The following STK3 variants were observed in gnomAD, a reference collection of about 807,000 sequenced individuals.
STK3 encodes serine/threonine-protein kinase 3.
In STK3, 41 loss-of-function variants were observed where a neutral mutation model predicts 58.0. The observed-to-expected ratio is 0.71, with a 90% CI of 0.55 to 0.92. The LOEUF is 0.92. STK3 is among the 40% of genes least tolerant of loss of function. The probability of loss-of-function intolerance (pLI) is 0.00; values close to 1 mark genes in which losing one functional copy is unlikely to be tolerated. For synonymous variants in STK3, 170 were observed against 191.0 expected (o/e 0.89, Z 0.91); for missense variants, 479 against 602.7 (o/e 0.79, Z 2.15).
intron 6 of STK3, among the ~76,000 whole-genome samples, chr8:98,681,099 A>G (rs550726915): frequency 1.3e-5 from 2 of 151,844 alleles, no homozygotes; most frequent in Non-Finnish European, 2.9e-5. Flanking sequence ...TCTGGGTTCA[A>G]GCAACTCTCC....
intron 3 of STK3, among the ~76,000 whole-genome samples, chr8:98,405,706 A>G (rs1323456778): frequency 6.6e-6 from 1 of 152,208 alleles, no homozygotes; most frequent in Non-Finnish European, 1.5e-5. Context: ...AAGAAAGAGG[A>G]TTAATGGACT....
At chr8:98,384,226 T>A (rs1765075505) in intron 1 of STK3, among the ~76,000 whole-genome samples, 1 of 152,174 alleles carries the variant, frequency 6.6e-6, no homozygotes, top group South Asian at 2.1e-4. Flanking sequence ...CAATCCTTCA[T>A]AAGGTGTAAC....
chr8:98,450,403 C>T (rs1004608205), downstream of STK3, among the ~76,000 whole-genome samples: 1 of 152,186 alleles, frequency 6.6e-6, no homozygotes, highest in Non-Finnish European at 1.5e-5. Context: ...TGTCCTAGAA[C>T]ATTTGATCTT....
At chr8:98,655,715 G>C (rs1232806095) in intron 6 of STK3, among the ~76,000 whole-genome samples, 1 of 151,932 alleles carries the variant, frequency 6.6e-6, no homozygotes, top group East Asian at 1.9e-4. Flanking sequence ...CATTTATGCA[G>C]CCAAAAAACA....
At chr8:98,726,173 G>A (rs1827780140) in intron 4 of STK3, among the ~76,000 whole-genome samples, 3 of 152,184 alleles carry the variant, frequency 2.0e-5, no homozygotes, top group Admixed American at 1.3e-4. Context: ...CCTGACTGAC[G>A]AAAGGGAAGT....
intron 1 of STK3, among the ~76,000 whole-genome samples, chr8:98,931,086 G>A (rs1245279137): frequency 2.0e-5 from 3 of 152,164 alleles, no homozygotes; most frequent in Non-Finnish European, 2.9e-5. Flanking sequence ...CTGCCACAGA[G>A]AGATGAGGTA....
chr8:98,461,545 CT>C (rs1819978951), intron 10 of STK3, among the ~76,000 whole-genome samples: 1 of 152,140 alleles, frequency 6.6e-6, no homozygotes, highest in South Asian at 2.1e-4. Flanking sequence ...TCTAGATACT[CT>C]GTTTTCTTCA....
intron 7 of STK3, among the ~76,000 whole-genome samples, chr8:98,587,244 A>C (rs2131786458): frequency 6.6e-6 from 1 of 152,096 alleles, no homozygotes; most frequent in Admixed American, 6.5e-5. Flanking sequence ...TAGCGCTATA[A>C]ATTTCCCTCT....
intron 6 of STK3, among the ~76,000 whole-genome samples, chr8:98,674,141 T>A (rs545366002): frequency 6.6e-6 from 1 of 152,316 alleles, no homozygotes; most frequent in Non-Finnish European, 1.5e-5. Flanking sequence ...CTATATGTCA[T>A]CCAAGTTATG....
rs369624933 is a variant in STK3, at chr8:98,588,208, C to T, written c.822+7824G>A. Among the ~76,000 whole-genome samples the T allele has an allele frequency of 7.8e-3, 1,186 of 151,770 alleles. 11 individuals carry two copies. The highest frequency in any genetic ancestry group is 0.027 in the African/African-American group (1,114 of 41,110). Reference sequence around the variant, plus strand: ...CTTCCTAGTCTCGATGGTCTTTACACTTTGGCATGATTTTGCAGCGGCTGG... The same window carrying T: ...CTTCCTAGTCTCGATGGTCTTTACATTTTGGCATGATTTTGCAGCGGCTGG... On this transcript the variant is annotated intron_variant, in intron 7 of 10. Coordinates refer to ENST00000419617, the MANE Select transcript of STK3 (RefSeq NM_006281.4).
At chr8:98,392,773 G>A (rs1441907016), upstream of STK3, among the ~76,000 whole-genome samples, 1 of 152,176 alleles carries the variant, frequency 6.6e-6, no homozygotes, top group African/African-American at 2.4e-5. Context: ...CACTTGAGGG[G>A]GGCTTTCCAC....
At chr8:98,476,374 G>A (rs764841762) in intron 10 of STK3, among the ~76,000 whole-genome samples, 18 of 152,072 alleles carry the variant, frequency 1.2e-4, no homozygotes, top group Admixed American at 3.3e-4. Flanking sequence ...TAATTATCAG[G>A]ACTAATTAGA....
intron 6 of STK3, among the ~76,000 whole-genome samples, chr8:98,634,262 G>A (rs931677957): frequency 6.6e-6 from 1 of 152,116 alleles, no homozygotes; most frequent in South Asian, 2.1e-4. Context: ...CAAGGCAGGC[G>A]GATCACTTGA....
rs139543097 is a variant in STK3 at position 98,495,157 on chromosome 8, G to T, written c.1317+31585C>A. On this transcript the variant is annotated intron_variant, in intron 10 of 10. Coordinates refer to ENST00000419617, the MANE Select transcript of STK3 (RefSeq NM_006281.4). Reference sequence around the variant, plus strand: ...CGTACATCTCCAGGCTGCATGAAATGAAAACAAATGAGAGTCAGGACTCTC... The same window carrying T: ...CGTACATCTCCAGGCTGCATGAAATTAAAACAAATGAGAGTCAGGACTCTC... 9.2e-5 allele frequency among the ~76,000 whole-genome samples: 14 copies of T among 152,248 alleles called. No homozygotes were observed. The East Asian group carries it at 2.7e-3, about 29-fold the overall frequency.
At chr8:98,713,824 A>C (rs538180944) in intron 4 of STK3, among the ~76,000 whole-genome samples, 86 of 152,220 alleles carry the variant, frequency 5.6e-4, no homozygotes, top group African/African-American at 1.8e-3. Flanking sequence ...GACACAACAA[A>C]AAAAAAAGAG....
At chr8:98,505,065 G>T (rs1586729658) in intron 10 of STK3, among the ~76,000 whole-genome samples, 1 of 152,078 alleles carries the variant, frequency 6.6e-6, no homozygotes, top group Admixed American at 6.5e-5. Context: ...ATAGTCCCAT[G>T]TTTCTTGGAG....
chr8:98,344,944 C>T, the STK3 span, among the ~76,000 whole-genome samples: 4 of 148,074 alleles, frequency 2.7e-5, no homozygotes, highest in African/African-American at 7.5e-5. Context: ...TCCAAATTCT[C>T]ACCTTGTGGT....
intron 6 of STK3, among the ~76,000 whole-genome samples, chr8:98,679,989 T>C (rs1823506932): frequency 6.6e-6 from 1 of 152,202 alleles, no homozygotes. Context: ...ATATTGCTGT[T>C]ATTGTTGGTA....
upstream of STK3, among the ~76,000 whole-genome samples, chr8:98,393,107 G>A (rs1817863700): frequency 6.6e-6 from 1 of 152,196 alleles, no homozygotes; most frequent in Admixed American, 6.5e-5. Context: ...AGGAGGCTAG[G>A]AAGGAGAGAG....
Sources: gnomAD v4.1 joint callset for allele counts (sites outside exome capture counted in the v4.1 genomes callset) on GRCh38, gnomAD v4.1.1 for gene constraint, MANE v1.5 for transcripts, NCBI Gene and HGNC (gene_info 2026-07-23, HGNC 2026-07-21) for gene names.